Variants in TCF24 observed in about 807,000 individuals in gnomAD.
TCF24 encodes the protein transcription factor 24.
Under a neutral mutation model 9.3 loss-of-function variants are expected in TCF24, and 5 were observed. The observed-to-expected ratio is 0.54, with a 90% CI of 0.28 to 1.13. The LOEUF (loss-of-function observed/expected upper bound fraction) is 1.13, where lower values mean the gene tolerates loss of function less well. Among genes scored for constraint, TCF24 ranks in the 50% most tolerant of loss-of-function variants. TCF24 has a pLI of 0.09. For synonymous variants in TCF24, 110 were observed against 115.8 expected, an observed-to-expected ratio of 0.95 and a Z score of 0.32; for missense variants, 220 against 236.1, an observed-to-expected ratio of 0.93 and a Z score of 0.45.
At chr8:66,951,752 A>G (rs979977052) in intron 3 of TCF24, among the ~76,000 whole-genome samples, 13 of 152,192 alleles carry the variant, frequency 8.5e-5, no homozygotes, top group Admixed American at 2.6e-4. Flanking sequence ...TAAACTATTG[A>G]TTATTGCCAC....
chr8:66,959,428 G>A (rs1222736482), intron 3 of TCF24, among the ~76,000 whole-genome samples: 1 of 152,200 alleles, frequency 6.6e-6, no homozygotes, highest in Non-Finnish European at 1.5e-5. Flanking sequence ...GGTAGACAAT[G>A]TTTAAACATT....
rs1813992057 is a variant in TCF24, at chr8:66,948,139, T to C, written c.416A>G (p.Tyr139Cys). The C allele has an allele frequency of 6.5e-7, 1 of 1,533,712 alleles. No individual in the cohort carries two copies. The highest frequency in any genetic ancestry group is 1.2e-5 in the South Asian group (1 of 83,354). ...VKKWPMRSRL[Y>C]IGATGQFLKH... Reference sequence around the variant, plus strand: ...CAGAAACTGACCAGTAGCACCGATGTACAATCTTGATCGCATGGGCCATTT... The same window carrying C: ...CAGAAACTGACCAGTAGCACCGATGCACAATCTTGATCGCATGGGCCATTT... Residue 139 changes from tyrosine (Y) to cysteine (C), a missense_variant, in exon 4 of 4, where the codon TAC (tyrosine) becomes TGC (cysteine). Tyr to Cys is a radical substitution (Grantham distance 194). Coordinates refer to ENST00000563496, the MANE Select transcript of TCF24 (RefSeq NM_001193502.2).
intron 3 of TCF24, among the ~76,000 whole-genome samples, chr8:66,959,447 G>C (rs891310616): frequency 6.6e-6 from 1 of 152,200 alleles, no homozygotes; most frequent in African/African-American, 2.4e-5. Flanking sequence ...TTTTGGTAGT[G>C]TCTGTAAAAT....
At chr8:66,948,188 A>G (rs1813992752) in intron 3 of TCF24, 24 bp from the exon 4 acceptor site, 1 of 1,507,784 alleles carries the variant, frequency 6.6e-7, no homozygotes, top group Non-Finnish European at 8.9e-7. Context: ...TTTCAACAAG[A>G]ATTCAAAAGT....
chr8:66,956,609 C>T (rs904379199), intron 3 of TCF24, among the ~76,000 whole-genome samples: 1 of 151,612 alleles, frequency 6.6e-6, no homozygotes, highest in African/African-American at 2.4e-5. Context: ...GTGACCCGCC[C>T]GCCTCAGCCT....
intron 3 of TCF24, among the ~76,000 whole-genome samples, chr8:66,959,042 A>G (rs988418852): frequency 6.6e-6 from 1 of 152,188 alleles, no homozygotes; most frequent in African/African-American, 2.4e-5. Flanking sequence ...TGTAGCCACA[A>G]TCTCTTGGGC....
At chr8:66,952,088 A>T (rs1214565192) in intron 3 of TCF24, among the ~76,000 whole-genome samples, 3 of 146,176 alleles carry the variant, frequency 2.1e-5, no homozygotes, top group African/African-American at 7.5e-5. Flanking sequence ...TTGTGTCTCT[A>T]TTTCCTTCAT....
chr8:66,959,068 G>A (rs1184136586), intron 3 of TCF24, among the ~76,000 whole-genome samples: 7 of 152,140 alleles, frequency 4.6e-5, no homozygotes, highest in Admixed American at 3.3e-4. Flanking sequence ...CAGTCCTCTC[G>A]CATAAGCCTC....
chr8:66,955,390 A>G (rs2130900331), intron 3 of TCF24, among the ~76,000 whole-genome samples: 1 of 152,296 alleles, frequency 6.6e-6, no homozygotes, highest in Admixed American at 6.5e-5. Flanking sequence ...CTAAAAAAAA[A>G]AAAAATACAA....
intron 3 of TCF24, 124 bp from the exon 4 acceptor site, chr8:66,948,288 T>C: frequency 3.3e-6 from 2 of 601,006 alleles, no homozygotes; most frequent in Non-Finnish European, 5.2e-6. Context: ...CTAATAACAA[T>C]TATAAGTATG....
At chr8:66,950,955 T>C (rs1440593019) in intron 3 of TCF24, among the ~76,000 whole-genome samples, 2 of 151,596 alleles carry the variant, frequency 1.3e-5, no homozygotes, top group African/African-American at 4.9e-5. Context: ...TCCTGAGACT[T>C]TGCTGAAGTT....
At chr8:66,954,489 C>T (rs1469305799) in intron 3 of TCF24, among the ~76,000 whole-genome samples, 1 of 152,224 alleles carries the variant, frequency 6.6e-6, no homozygotes, top group Non-Finnish European at 1.5e-5. Flanking sequence ...AACCACTGCT[C>T]TCTTCAAAGC....
At chr8:66,954,512 A>C (rs1277785309) in intron 3 of TCF24, among the ~76,000 whole-genome samples, 2 of 152,186 alleles carry the variant, frequency 1.3e-5, no homozygotes, top group Non-Finnish European at 2.9e-5. Flanking sequence ...TCAGACAGGG[A>C]CATTTGAGTC....
At chr8:66,961,828 C>G in intron 2 of TCF24, 40 bp from the exon 3 acceptor site, 1 of 1,056,258 alleles carries the variant, frequency 9.5e-7, no homozygotes, top group Non-Finnish European at 1.1e-6. Flanking sequence ...GGGGGGCGGT[C>G]GGGCTTAACC....
At position 66,948,037 on chromosome 8, in the gene TCF24, C is replaced by T. The variant is rs1303934172; in HGVS notation, c.*14G>A. 17 of 1,503,556 alleles carry T rather than the reference C, an allele frequency of 1.1e-5. No individual in the cohort carries two copies. The highest frequency in any genetic ancestry group is 1.3e-5 in the Non-Finnish European group (15 of 1,129,830). 93.1% of individuals were successfully genotyped at this position (1,503,556 alleles called of 1,614,324 possible). ...AATAGCCACCACTTCTACCAGCCCC[C>T]ACCAGGGGAGAGCCTAAGGCTGTGA... On this transcript the variant is annotated 3_prime_UTR_variant, in exon 4 of 4. Coordinates refer to ENST00000563496, the MANE Select transcript of TCF24 (RefSeq NM_001193502.2).
intron 3 of TCF24, among the ~76,000 whole-genome samples, chr8:66,957,218 ACCAG>A (rs1585945358): frequency 6.6e-6 from 1 of 151,400 alleles, no homozygotes; most frequent in Admixed American, 6.6e-5. Context: ...GGAATTTAAG[ACCAG>A]CCTGGCCAGC....
At chr8:66,959,919 C>T (rs1814226824) in intron 3 of TCF24, among the ~76,000 whole-genome samples, 1 of 152,154 alleles carries the variant, frequency 6.6e-6, no homozygotes, top group Non-Finnish European at 1.5e-5. Context: ...GGAAATGATG[C>T]TTCCAACATT....
Position 66,961,403 on chromosome 8 carries a change from G to C in TCF24, c.363C>G (p.Arg121=), listed in dbSNP as rs528167113. ...TGACCGGGTGCAGGTAGCCATCGCCGCGCAGGGCGCCCAACCCGGCGTCCG... is the reference window on the plus strand; with the variant it reads ...TGACCGGGTGCAGGTAGCCATCGCCCCGCAGGGCGCCCAACCCGGCGTCCG... ...APADAGLGAL[R]GDGYLHPVKK... Residue 121 remains arginine, a synonymous_variant, in exon 3 of 4, where the codon CGC becomes CGG. Transcript: ENST00000563496. 6.6e-6 allele frequency: 10 copies of C among 1,508,890 alleles called. No homozygotes were observed. Among genetic ancestry groups the C allele is most frequent in the Admixed American group, 4.2e-5 (2 of 48,118 alleles). 93.5% of individuals were successfully genotyped at this position (1,508,890 alleles called of 1,614,324 possible). A position where few individuals can be genotyped will look rare whatever the true frequency, so the allele number is the denominator to read the frequency against.
intron 3 of TCF24, among the ~76,000 whole-genome samples, chr8:66,959,507 T>C (rs1477258598): frequency 9.9e-5 from 15 of 152,234 alleles, no homozygotes; most frequent in Admixed American, 9.8e-4. Context: ...TAACATCTCT[T>C]TCCTCTGAAC....
Sources: allele counts gnomAD v4.1 joint callset (sites outside exome capture counted in the v4.1 genomes callset), GRCh38; gene constraint gnomAD v4.1.1; transcripts MANE v1.5; gene names NCBI Gene and HGNC (gene_info 2026-07-23, HGNC 2026-07-21).